AK4: variants seen among roughly 807,000 people sequenced by gnomAD.
AK4 encodes adenylate kinase 4, mitochondrial.
A neutral mutation model predicts 24.6 loss-of-function variants in AK4; 13 were observed. That is an observed-to-expected ratio of 0.53 (90% CI 0.34 to 0.84). AK4 has a LOEUF of 0.84. Among genes scored for constraint, AK4 ranks in the 40% least tolerant of loss-of-function variants. The pLI, the probability that AK4 is intolerant of heterozygous loss-of-function variation, is 0.01. For synonymous variants in AK4, 88 were observed against 107.0 expected, an observed-to-expected ratio of 0.82 and a Z score of 1.10; for missense variants, 192 against 288.2, an observed-to-expected ratio of 0.67 and a Z score of 2.42.
At chr1:65,194,737 C>T (rs1330897675) in intron 2 of AK4, among the ~76,000 whole-genome samples, 1 of 152,224 alleles carries the variant, frequency 6.6e-6, no homozygotes, top group African/African-American at 2.4e-5. Flanking sequence ...GTTGGGATTA[C>T]AGGCGTGAGC....
chr1:65,186,958 A>ATGT (rs1651119821), intron 1 of AK4, among the ~76,000 whole-genome samples: 1 of 152,236 alleles, frequency 6.6e-6, no homozygotes, highest in Admixed American at 6.5e-5. Context: ...ATACAATGAA[A>ATGT]TGTTATTTAG....
upstream of AK4, chr1:65,147,838 G>A (rs1019032308): frequency 1.3e-5 from 2 of 152,430 alleles, no homozygotes; most frequent in African/African-American, 4.8e-5. Context: ...ACAGCCGCCG[G>A]GGAGGGGACG....
intron 1 of AK4, among the ~76,000 whole-genome samples, chr1:65,173,356 C>T (rs1650602788): frequency 6.6e-6 from 1 of 152,164 alleles, no homozygotes; most frequent in South Asian, 2.1e-4. Context: ...TGTCCCTGTC[C>T]TCCAGCTTTA....
At chr1:65,205,937 G>C (rs1458211688) in intron 2 of AK4, among the ~76,000 whole-genome samples, 1 of 152,148 alleles carries the variant, frequency 6.6e-6, no homozygotes, top group Non-Finnish European at 1.5e-5. Flanking sequence ...TATGTGCCAT[G>C]CACCTGTGCT....
At position 65,161,854 on chromosome 1, in the gene AK4, A is replaced by C. The variant is rs560943784; in HGVS notation, c.145+13302A>C. Among the ~76,000 whole-genome samples the C allele has an allele frequency of 3.9e-5, 6 of 152,302 alleles. No homozygotes were observed. The South Asian group carries it at 1.2e-3, about 32-fold the overall frequency. ...AAGAAAATGAGATAGTACAGTGAGG[A>C]AGAGTGGGAAGACTACTTGAGATTG... On this transcript the variant is annotated intron_variant, in intron 1 of 4. Coordinates refer to ENST00000327299, the MANE Select transcript of AK4 (RefSeq NM_013410.4).
intron 3 of AK4, among the ~76,000 whole-genome samples, chr1:65,219,815 CAT>C (rs1652243762): frequency 1.3e-5 from 2 of 152,170 alleles, no homozygotes; most frequent in Non-Finnish European, 2.9e-5. Context: ...TGCACAATGA[CAT>C]GACATTTTTC....
At chr1:65,192,853 A>T (rs2101044214) in intron 2 of AK4, among the ~76,000 whole-genome samples, 1 of 152,338 alleles carries the variant, frequency 6.6e-6, no homozygotes, top group Middle Eastern at 3.4e-3. Context: ...AAAGATGGGG[A>T]ATAATCTCTG....
chr1:65,186,835 AACATAC>A (rs1234109317), intron 1 of AK4, among the ~76,000 whole-genome samples: 7 of 152,202 alleles, frequency 4.6e-5, no homozygotes, highest in African/African-American at 1.7e-4. Context: ...GAGAACTGAA[AACATAC>A]ACTCACACAA....
intron 3 of AK4, 89 bp downstream of exon 3, chr1:65,219,015 A>G (rs912563380): frequency 2.0e-6 from 2 of 999,794 alleles, no homozygotes; most frequent in Non-Finnish European, 2.7e-6. Flanking sequence ...TGAGTAGACC[A>G]TTCAAAAAAG....
At chr1:65,160,212 A>G (rs886517103) in intron 1 of AK4, among the ~76,000 whole-genome samples, 1 of 152,168 alleles carries the variant, frequency 6.6e-6, no homozygotes, top group Non-Finnish European at 1.5e-5. Flanking sequence ...TTGTGTGGCT[A>G]TAACAAAATA....
chr1:65,184,265 A>G (rs1476955850), intron 1 of AK4, among the ~76,000 whole-genome samples: 1 of 152,220 alleles, frequency 6.6e-6, no homozygotes, highest in Non-Finnish European at 1.5e-5. Context: ...GGATGATACC[A>G]TCCATCTATC....
intron 3 of AK4, among the ~76,000 whole-genome samples, chr1:65,221,144 A>G (rs901777337): frequency 6.6e-6 from 1 of 152,306 alleles, no homozygotes; most frequent in African/African-American, 2.4e-5. Flanking sequence ...GATAAAGACT[A>G]TTTGGTTTAT....
intron 1 of AK4, among the ~76,000 whole-genome samples, chr1:65,176,496 G>A (rs571084478): frequency 3.3e-5 from 5 of 152,072 alleles, no homozygotes; most frequent in Non-Finnish European, 4.4e-5. Flanking sequence ...CGTTTAGAAC[G>A]GGCATAATGA....
chr1:65,182,663 C>G (rs1455545476), intron 1 of AK4, among the ~76,000 whole-genome samples: 1 of 152,132 alleles, frequency 6.6e-6, no homozygotes, highest in Non-Finnish European at 1.5e-5. Context: ...GTGTTAATCA[C>G]CACTTTTATT....
chr1:65,180,487 C>G (rs900765506), intron 1 of AK4, among the ~76,000 whole-genome samples: 1 of 152,212 alleles, frequency 6.6e-6, no homozygotes, highest in Non-Finnish European at 1.5e-5. Flanking sequence ...AAATGAGTCA[C>G]TTAAGTGCCA....
intron 1 of AK4, among the ~76,000 whole-genome samples, chr1:65,159,276 AATT>A (rs1650076777): frequency 6.6e-6 from 1 of 152,226 alleles, no homozygotes; most frequent in African/African-American, 2.4e-5. Flanking sequence ...AATGAATGCA[AATT>A]ATCTCTAATT....
intron 1 of AK4, among the ~76,000 whole-genome samples, chr1:65,189,061 G>A (rs537282150): frequency 2.6e-5 from 4 of 152,048 alleles, no homozygotes; most frequent in African/African-American, 4.8e-5. Context: ...AGCCTCCCAA[G>A]TAGCTGGGAT....
At position 65,148,565 on chromosome 1, in the gene AK4, G is replaced by C; in HGVS notation, c.145+13G>C. On this transcript the variant is annotated intron_variant, in intron 1 of 4. Coordinates refer to ENST00000327299, the MANE Select transcript of AK4 (RefSeq NM_013410.4). ...AAGGCCAGCACCGGTGAGGGGCTGC[G>C]GGGACGAGGGCCGGGGGCGAGCCGC... The C allele has an allele frequency of 6.3e-7, 1 of 1,593,094 alleles. No homozygotes were observed.
At chr1:65,201,230 A>C (rs887899736) in intron 2 of AK4, among the ~76,000 whole-genome samples, 1 of 152,198 alleles carries the variant, frequency 6.6e-6, no homozygotes, top group Non-Finnish European at 1.5e-5. Context: ...ATGAGCTCAG[A>C]GTAGCTGACT....
Sources: gnomAD v4.1 joint callset for allele counts (sites outside exome capture counted in the v4.1 genomes callset) on GRCh38, gnomAD v4.1.1 for gene constraint, MANE v1.5 for transcripts, NCBI Gene and HGNC (gene_info 2026-07-23, HGNC 2026-07-21) for gene names.